The following RBPMS2 variants were observed in gnomAD, a reference collection of about 807,000 sequenced individuals.
The protein encoded by RBPMS2 is RNA binding protein, mRNA processing factor 2.
A neutral mutation model predicts 25.7 loss-of-function variants in RBPMS2; 14 were observed. The observed-to-expected ratio is 0.55, with a 90% CI of 0.36 to 0.85. The LOEUF is 0.85. RBPMS2 is among the 40% of genes least tolerant of loss of function. RBPMS2 has a pLI of 0.01. For missense variants in RBPMS2, 252 were observed against 283.4 expected, an observed-to-expected ratio of 0.89 and a Z score of 0.80; for synonymous variants, 127 against 115.6, an observed-to-expected ratio of 1.10 and a Z score of -0.63.
chr15:64,743,650 G>A (rs948131293), intron 6 of RBPMS2, among the ~76,000 whole-genome samples: 2 of 152,144 alleles, frequency 1.3e-5, no homozygotes, highest in African/African-American at 2.4e-5. Flanking sequence ...AGGGGGGGGG[G>A]GGCTCCTGAG....
intron 6 of RBPMS2, 147 bp from the exon 7 acceptor site, chr15:64,741,389 G>C (rs1393211794): frequency 1.5e-6 from 1 of 649,574 alleles, no homozygotes; most frequent in Non-Finnish European, 2.8e-6. Context: ...TCACCTTTAA[G>C]CATCAGTTTC....
intron 1 of RBPMS2, among the ~76,000 whole-genome samples, chr15:64,773,803 C>T (rs2083908015): frequency 6.6e-6 from 1 of 152,052 alleles, no homozygotes. Context: ...GCTAGCAACC[C>T]TGTCACCCTC....
intron 6 of RBPMS2, among the ~76,000 whole-genome samples, chr15:64,745,819 C>T (rs1442390458): frequency 6.6e-6 from 1 of 152,160 alleles, no homozygotes; most frequent in Non-Finnish European, 1.5e-5. Context: ...AGCCACGTAG[C>T]TGTGGAGGCC....
In RBPMS2 at chr15:64,775,245, G is replaced by C. The variant is rs972654409; in HGVS notation, c.75C>G (p.Ala25=). The part of the protein sequence containing the change: ...GTGSGAGSGG[A]LEEEVRTLFV... ...GCCACAGACCCACCTCCTCCTCCAG[G>C]GCGCCGCCGGAGCCCGCGCCGGAGC... The change falls in exon 1 of 8, where the codon GCC becomes GCG. Residue 25 remains alanine (A), a synonymous_variant. Transcript: ENST00000300069. 7.6e-7 allele frequency: 1 copy of C among 1,315,064 alleles called. No individual in the cohort carries two copies. Among genetic ancestry groups the C allele is most frequent in the African/African-American group, 1.5e-5 (1 of 64,830 alleles). The allele number at this position is 1,315,064 out of a possible 1,614,324, so 81.5% of individuals were successfully genotyped here.
At chr15:64,769,770 G>C (rs993806027) in intron 1 of RBPMS2, among the ~76,000 whole-genome samples, 1 of 152,204 alleles carries the variant, frequency 6.6e-6, no homozygotes, top group Non-Finnish European at 1.5e-5. Context: ...TCCTGGCAGG[G>C]GCTGACAGCT....
intron 1 of RBPMS2, among the ~76,000 whole-genome samples, chr15:64,758,961 T>C (rs1471894253): frequency 2.0e-5 from 3 of 152,310 alleles, no homozygotes; most frequent in East Asian, 3.9e-4. Flanking sequence ...ATTTTTATTT[T>C]ATTTTTATTT....
chr15:64,760,760 T>C (rs2083776505), intron 1 of RBPMS2, among the ~76,000 whole-genome samples: 2 of 151,026 alleles, frequency 1.3e-5, no homozygotes, highest in Admixed American at 6.6e-5. Context: ...CGAGATCACG[T>C]CATTGCACTC....
At chr15:64,750,771 G>A (rs979249534) in intron 2 of RBPMS2, among the ~76,000 whole-genome samples, 9 of 152,244 alleles carry the variant, frequency 5.9e-5, no homozygotes, top group African/African-American at 2.2e-4. Context: ...TGGGCATCAT[G>A]GCTCACGTCT....
At position 64,749,854 on chromosome 15, in the gene RBPMS2, C is replaced by T. The variant is rs187077295; in HGVS notation, c.205-361G>A. Among the ~76,000 whole-genome samples the T allele has an allele frequency of 2.6e-5, 4 of 152,228 alleles. No homozygotes were observed. The East Asian group carries it at 5.8e-4, about 22-fold the overall frequency. On this transcript the variant is annotated intron_variant, in intron 3 of 7. Coordinates refer to ENST00000300069, the MANE Select transcript of RBPMS2 (RefSeq NM_194272.3). ...TTTTCCCCAGCAAGAAAGGGGACACCAATGTATCAAGGGCATGGGAAGACT... is the reference window on the plus strand; with the variant it reads ...TTTTCCCCAGCAAGAAAGGGGACACTAATGTATCAAGGGCATGGGAAGACT...
intron 1 of RBPMS2, among the ~76,000 whole-genome samples, chr15:64,760,694 G>T (rs1270608759): frequency 1.3e-5 from 2 of 151,956 alleles, no homozygotes; most frequent in African/African-American, 4.8e-5. Context: ...CCAGCTACTC[G>T]GGAGGCTGAG....
chr15:64,760,508 G>A (rs897995845), intron 1 of RBPMS2, among the ~76,000 whole-genome samples: 4 of 152,016 alleles, frequency 2.6e-5, no homozygotes, highest in Non-Finnish European at 4.4e-5. Context: ...GACAAATCCC[G>A]GCCTTAGAAT....
intron 3 of RBPMS2, among the ~76,000 whole-genome samples, chr15:64,750,039 A>G (rs879921810): frequency 4.0e-5 from 6 of 151,638 alleles, no homozygotes; most frequent in Non-Finnish European, 2.9e-5. Context: ...CTGGGCAACA[A>G]GAGCAAAACT....
At chr15:64,741,689 A>G (rs1333529462) in intron 6 of RBPMS2, among the ~76,000 whole-genome samples, 3 of 152,246 alleles carry the variant, frequency 2.0e-5, no homozygotes, top group Non-Finnish European at 4.4e-5. Context: ...GCTATAGGAC[A>G]GAAATGACGA....
rs994416307 is a variant in RBPMS2, at chr15:64,775,588, G to A, written c.-269C>T. The A allele has an allele frequency of 8.4e-5, 1 of 11,894 alleles. No homozygotes were observed. 0.7% of individuals were successfully genotyped at this position (11,894 alleles called of 1,614,324 possible). The stretch of plus-strand genomic sequence containing the variant: ...CGCCTTTTCACTGCGACCGGCGAGT[G>A]CGCCGCGGCGGCGGCGGCGGCGGCA... On this transcript the variant is annotated 5_prime_UTR_variant, in exon 1 of 8. Transcript: ENST00000300069.
chr15:64,742,000 T>C (rs2141052023), intron 6 of RBPMS2, among the ~76,000 whole-genome samples: 1 of 152,250 alleles, frequency 6.6e-6, no homozygotes, highest in East Asian at 1.9e-4. Context: ...ACCCCATCTC[T>C]ACTAAAAATA....
chr15:64,751,963 T>C (rs1352055502), intron 1 of RBPMS2, among the ~76,000 whole-genome samples: 7 of 151,746 alleles, frequency 4.6e-5, no homozygotes, highest in Non-Finnish European at 1.0e-4. Flanking sequence ...CATGCCTTTT[T>C]TTTTTTCTTT....
intron 1 of RBPMS2, among the ~76,000 whole-genome samples, chr15:64,772,358 T>C (rs1364515752): frequency 6.6e-6 from 1 of 152,188 alleles, no homozygotes; most frequent in African/African-American, 2.4e-5. Context: ...CAGTCAAGAC[T>C]TACCTGCAGG....
chr15:64,775,368 C>G lies in RBPMS2; in HGVS notation c.-49G>C. On this transcript the variant is annotated 5_prime_UTR_variant, in exon 1 of 8. Transcript: ENST00000300069. ...AAGGAACGCGAGGGCGAGCGCGGCG[C>G]CGGCCCCGCGGGAAGTGGGAAGGGG... 8.8e-7 allele frequency: 1 copy of G among 1,140,856 alleles called. No homozygotes were observed. Among genetic ancestry groups the G allele is most frequent in the Middle Eastern group, 3.4e-4 (1 of 2,902 alleles). The allele number at this position is 1,140,856 out of a possible 1,614,324, so 70.7% of individuals were successfully genotyped here.
chr15:64,744,607 G>GATA (rs35405240), intron 6 of RBPMS2, among the ~76,000 whole-genome samples: 1 of 147,680 alleles, frequency 6.8e-6, no homozygotes, highest in Non-Finnish European at 1.5e-5. Context: ...GAGGTGCCCA[G>GATA]AAGTACACAC....
Sources: gnomAD v4.1 joint callset for allele counts (sites outside exome capture counted in the v4.1 genomes callset) on GRCh38, gnomAD v4.1.1 for gene constraint, MANE v1.5 for transcripts, NCBI Gene and HGNC (gene_info 2026-07-23, HGNC 2026-07-21) for gene names.